AXIN1: variants seen among roughly 807,000 people sequenced by gnomAD.
AXIN1 encodes axin 1.
A neutral mutation model predicts 76.4 loss-of-function variants in AXIN1; 30 were observed. That is an observed-to-expected ratio of 0.39 (90% CI 0.29 to 0.53). The LOEUF (loss-of-function observed/expected upper bound fraction) is 0.53, where lower values mean the gene tolerates loss of function less well. Ranked by LOEUF, AXIN1 falls within the 20% of genes least tolerant of loss-of-function variation. The pLI is 0.66. For synonymous variants in AXIN1, 545 were observed against 501.4 expected, an observed-to-expected ratio of 1.09 and a Z score of -1.16; for missense variants, 1,140 against 1,198.8, an observed-to-expected ratio of 0.95 and a Z score of 0.72.
chr16:289,361 G>T (rs778863551), intron 10 of AXIN1, 79 bp downstream of exon 10: 1 of 1,577,396 alleles, frequency 6.3e-7, no homozygotes. Flanking sequence ...CACTGTGCCC[G>T]GCTGGAAACC....
intron 4 of AXIN1, among the ~76,000 whole-genome samples, chr16:305,026 C>G (rs1428002476): frequency 6.6e-6 from 1 of 152,202 alleles, no homozygotes; most frequent in Admixed American, 6.5e-5. Context: ...TCAGGACACA[C>G]AGCCGGCGCT....
chr16:346,838 C>A lies in AXIN1; in HGVS notation c.188G>T (p.Arg63Leu), dbSNP rs759464398. ...CTCATACCCCAGGTCCAGATCCGAG[C>A]GCCTCGGAGTGGCCGTCGAAGTCTC... ...KGETSTATPR[R>L]SDLDLGYEPE... The change falls in exon 2 of 11, where the codon CGC becomes CTC. Residue 63 changes from arginine (R) to leucine (L), a missense_variant. This residue lies in a region of AXIN1 where 708 missense variants were observed against 776.9 expected (regional missense o/e 0.91). Coordinates refer to ENST00000262320, the MANE Select transcript of AXIN1 (RefSeq NM_003502.4). The A allele has an allele frequency of 5.0e-6, 8 of 1,613,458 alleles. No individual in the cohort carries two copies. Among genetic ancestry groups the A allele is most frequent in the Non-Finnish European group, 8.5e-7 (1 of 1,179,436 alleles).
Position 287,574 on chromosome 16 carries a change from C to T in AXIN1, c.*548G>A. 3.2e-6 allele frequency: 1 copy of T among 311,530 alleles called. No individual in the cohort carries two copies. The highest frequency in any genetic ancestry group is 6.0e-6 in the Non-Finnish European group (1 of 167,210). 19.3% of individuals were successfully genotyped at this position (311,530 alleles called of 1,614,324 possible). ...CTAGCCTGAGAAATGTACATATTTA[C>T]ACGGGCCCTCAGAAAGGAGGACCCA... On this transcript the variant is annotated 3_prime_UTR_variant, in exon 11 of 11. Coordinates refer to ENST00000262320, the MANE Select transcript of AXIN1 (RefSeq NM_003502.4).
At chr16:305,469 C>T (rs1240414126) in intron 4 of AXIN1, among the ~76,000 whole-genome samples, 1 of 152,182 alleles carries the variant, frequency 6.6e-6, no homozygotes, top group African/African-American at 2.4e-5. Context: ...GAGTGAGACC[C>T]TGTCTCAAAA....
At chr16:350,715 G>A (rs1329317462) in intron 1 of AXIN1, among the ~76,000 whole-genome samples, 1 of 152,126 alleles carries the variant, frequency 6.6e-6, no homozygotes, top group South Asian at 2.1e-4. Context: ...AATGTAATCC[G>A]AAAAAGTCTG....
intron 9 of AXIN1, chr16:290,658 G>C (rs1368702781): frequency 4.8e-6 from 1 of 210,318 alleles, no homozygotes; most frequent in African/African-American, 2.3e-5. Flanking sequence ...GCCCATGTGG[G>C]ATCACATGGT....
chr16:325,105 C>G (rs985893523), intron 2 of AXIN1, among the ~76,000 whole-genome samples: 1 of 151,238 alleles, frequency 6.6e-6, no homozygotes, highest in Non-Finnish European at 1.5e-5. Flanking sequence ...GCCTCAGCCC[C>G]GCGGGCGGCC....
At chr16:323,732 G>C (rs1217179531) in intron 2 of AXIN1, among the ~76,000 whole-genome samples, 1 of 151,578 alleles carries the variant, frequency 6.6e-6, no homozygotes, top group Non-Finnish European at 1.5e-5. Flanking sequence ...AGTGAGATGA[G>C]ATCACACCAC....
In AXIN1 at chr16:288,263, T is replaced by C. The variant is rs1261264066; in HGVS notation, c.2463-15A>G. On this transcript the variant is annotated splice_polypyrimidine_tract_variant and intron_variant, in intron 10 of 10. Coordinates refer to ENST00000262320, the MANE Select transcript of AXIN1 (RefSeq NM_003502.4). ...TGAAGTAGTATCTGCAGGACGGAGGTGAGGAGGGCAGTGAGCAGGCAGCAC... is the reference window on the plus strand; with the variant it reads ...TGAAGTAGTATCTGCAGGACGGAGGCGAGGAGGGCAGTGAGCAGGCAGCAC... 3.7e-6 allele frequency: 6 copies of C among 1,612,942 alleles called. No homozygotes were observed. The highest frequency in any genetic ancestry group is 5.1e-6 in the Non-Finnish European group (6 of 1,179,908).
Position 293,225 on chromosome 16 carries a change from G to A in AXIN1, c.2186+263C>T, listed in dbSNP as rs1437183309. The A allele has an allele frequency of 1.3e-5, 7 of 553,920 alleles. No homozygotes were observed. Among genetic ancestry groups the A allele is most frequent in the Non-Finnish European group, 2.3e-5 (7 of 308,382 alleles). The allele number at this position is 553,920 out of a possible 1,614,324, so 34.3% of individuals were successfully genotyped here. A position where few individuals can be genotyped will look rare whatever the true frequency, so the allele number is the denominator to read the frequency against. ...CAGCCTCCCTGCAGACTGGGCTCAG[G>A]TTGAGGAGGGACCCCGCCTCCAGAG... On this transcript the variant is annotated intron_variant, in intron 8 of 10. Transcript: ENST00000262320. The surrounding 1 kb of genome is among the most constrained non-coding windows in gnomAD (Gnocchi z 4.6).
At chr16:288,529 G>A (rs530052654) in intron 10 of AXIN1, among the ~76,000 whole-genome samples, 40 of 152,344 alleles carry the variant, frequency 2.6e-4, no homozygotes, top group African/African-American at 9.1e-4. Context: ...TTGCAGGGGG[G>A]AAGTGGACGG....
intron 4 of AXIN1, among the ~76,000 whole-genome samples, chr16:308,731 GCACAAGCACGCA>G (rs1026048385): frequency 6.6e-6 from 1 of 152,136 alleles, no homozygotes; most frequent in African/African-American, 2.4e-5. Context: ...ATCTTCCACA[GCACAAGCACGCA>G]CACACGCACG....
At chr16:343,829 A>G (rs1473080754) in intron 2 of AXIN1, among the ~76,000 whole-genome samples, 1 of 151,436 alleles carries the variant, frequency 6.6e-6, no homozygotes, top group East Asian at 1.9e-4. Flanking sequence ...AACGTGGCGA[A>G]ACGCTGTCTC....
chr16:289,716 G>A, intron 9 of AXIN1, 109 bp from the exon 10 acceptor site: 5 of 1,410,944 alleles, frequency 3.5e-6, no homozygotes, highest in Admixed American at 3.9e-5. Flanking sequence ...CTGCAGGGGT[G>A]AGCAGCACCC....
intron 2 of AXIN1, among the ~76,000 whole-genome samples, chr16:333,698 G>A (rs2053741081): frequency 6.6e-6 from 1 of 151,966 alleles, no homozygotes. Flanking sequence ...AATTTATGGG[G>A]GGGGTGCCAC....
chr16:301,292 C>CAAA (rs546536548), intron 5 of AXIN1, among the ~76,000 whole-genome samples: 4 of 105,690 alleles, frequency 3.8e-5, no homozygotes, highest in Non-Finnish European at 8.2e-5. Context: ...CAAAACAAAG[C>CAAA]AAAAAAAAAA....
chr16:335,407 G>A (rs1262745095), intron 2 of AXIN1, among the ~76,000 whole-genome samples: 1 of 151,174 alleles, frequency 6.6e-6, no homozygotes, highest in Non-Finnish European at 1.5e-5. Flanking sequence ...ATCATGGCAC[G>A]CTAATTACAC....
chr16:306,628 T>A (rs376415962), intron 4 of AXIN1, among the ~76,000 whole-genome samples: 4 of 152,346 alleles, frequency 2.6e-5, no homozygotes, highest in African/African-American at 7.2e-5. Context: ...AAAGGCCTCC[T>A]CCAGGCTCAG....
At chr16:306,264 C>T (rs569342942) in intron 4 of AXIN1, among the ~76,000 whole-genome samples, 2 of 152,268 alleles carry the variant, frequency 1.3e-5, no homozygotes, top group Admixed American at 1.3e-4. Flanking sequence ...AACCACAGTA[C>T]AAATATGGAT....
Sources: gnomAD v4.1 joint callset for allele counts (sites outside exome capture counted in the v4.1 genomes callset) on GRCh38, gnomAD v4.1.1 for gene constraint, gnomAD v4.1.1 regional missense constraint, Gnocchi (gnomAD v3.1) non-coding constraint, MANE v1.5 for transcripts, NCBI Gene and HGNC (gene_info 2026-07-23, HGNC 2026-07-21) for gene names.